The following DSG1 variants were observed in gnomAD, a reference collection of about 807,000 sequenced individuals.
DSG1 encodes the protein desmoglein-1.
A neutral mutation model predicts 97.5 loss-of-function variants in DSG1; 39 were observed. The ratio of observed to expected loss-of-function variants is 0.40; its 90% CI spans 0.31 to 0.52. The LOEUF (loss-of-function observed/expected upper bound fraction) is 0.52. Among genes scored for constraint, DSG1 ranks in the 20% least tolerant of loss-of-function variants. The pLI is 0.53. For synonymous variants in DSG1, 475 were observed against 443.4 expected (o/e 1.07, Z -0.90); for missense variants, 1,311 against 1,295.4 (o/e 1.01, Z -0.18).
chr18:31,334,248 C>A, intron 8 of DSG1, 46 bp downstream of exon 8: 1 of 1,346,652 alleles, frequency 7.4e-7, no homozygotes, highest in Non-Finnish European at 1.1e-6. Flanking sequence ...AATCTTTTTT[C>A]AAAATGTTAA....
chr18:31,347,548 A>T (rs1015936994), intron 14 of DSG1: 2 of 152,158 alleles, frequency 1.3e-5, no homozygotes, highest in Non-Finnish European at 1.5e-5. Context: ...AGGCTCAATC[A>T]TTTTTTTATA....
At chr18:31,337,144 A>G (rs1055139943) in intron 9 of DSG1, among the ~76,000 whole-genome samples, 1 of 152,240 alleles carries the variant, frequency 6.6e-6, no homozygotes, top group South Asian at 2.1e-4. Context: ...TCACAAAAAA[A>G]TCTGTGCGTG....
Position 31,354,453 on chromosome 18 carries a change from C to T in DSG1, c.2257C>T (p.Pro753Ser), listed in dbSNP as rs1434804822. 3 of 1,614,100 alleles carry T rather than the reference C, an allele frequency of 1.9e-6. No individual in the cohort carries two copies. The highest frequency in any genetic ancestry group is 2.2e-5 in the South Asian group (2 of 91,076). Residue 753 changes from proline to serine, a missense_variant, in exon 15 of 15, where the codon CCT becomes TCT. By Grantham distance (74) the Pro-to-Ser change is moderately conservative. This residue lies in a region of DSG1 where 1,038 missense variants were observed against 964.6 expected (regional missense o/e 1.08). Coordinates refer to ENST00000257192, the MANE Select transcript of DSG1 (RefSeq NM_001942.4). ...LDDSFLDTLG[P>S]KFKKLADISL... is the part of the protein sequence containing the mutation. ...TGACAGCTTCTTGGATACCCTGGGA[C>T]CTAAATTTAAGAAGTTGGCAGACAT...
At chr18:31,347,134 C>T (rs929002487) in intron 14 of DSG1, among the ~76,000 whole-genome samples, 2 of 152,110 alleles carry the variant, frequency 1.3e-5, no homozygotes, top group Admixed American at 1.3e-4. Flanking sequence ...CATTAACTAA[C>T]CTAGTGGTTG....
rs1360814029 is a variant in DSG1 at position 31,326,867 on chromosome 18, A to C, written c.85-7A>C. On this transcript the variant is annotated splice_region_variant and splice_polypyrimidine_tract_variant and intron_variant, in intron 2 of 14. Coordinates refer to ENST00000257192, the MANE Select transcript of DSG1 (RefSeq NM_001942.4). ...TATATACCATTTCTTTATTGCTGTC[A>C]TTTAAGGTAAGAGATTATAACACTA... The C allele has an allele frequency of 3.7e-6, 6 of 1,613,312 alleles. No homozygotes were observed. Among genetic ancestry groups the C allele is most frequent in the Middle Eastern group, 1.6e-4 (1 of 6,080 alleles).
rs1568050153 is a variant in DSG1, at chr18:31,354,284, C to T, written c.2101-13C>T. On this transcript the variant is annotated splice_polypyrimidine_tract_variant and intron_variant, in intron 14 of 14. Coordinates refer to ENST00000257192, the MANE Select transcript of DSG1 (RefSeq NM_001942.4). ...ATTCATAATTTCATTTTCTCTTTCT[C>T]CTATAAATTCAGAAAGCATATGCTT... The T allele has an allele frequency of 2.1e-5, 33 of 1,609,684 alleles. No individual in the cohort carries two copies. The highest frequency in any genetic ancestry group is 2.6e-5 in the Non-Finnish European group (31 of 1,176,036).
intron 10 of DSG1, among the ~76,000 whole-genome samples, chr18:31,338,690 C>A (rs1171528437): frequency 1.3e-5 from 2 of 152,088 alleles, no homozygotes; most frequent in Admixed American, 1.3e-4. Context: ...GCTATAGAAT[C>A]TTAGAGAAGT....
chr18:31,340,327 C>A (rs1025968187), intron 11 of DSG1, among the ~76,000 whole-genome samples: 1 of 151,436 alleles, frequency 6.6e-6, no homozygotes, highest in Admixed American at 6.6e-5. Context: ...CTACAGAGGG[C>A]GGGGTGTGGT....
intron 1 of DSG1, among the ~76,000 whole-genome samples, chr18:31,319,351 T>C (rs1261710264): frequency 6.6e-6 from 1 of 152,080 alleles, no homozygotes; most frequent in Non-Finnish European, 1.5e-5. Flanking sequence ...GAATGTTGGG[T>C]TGGTTGGTAT....
chr18:31,335,248 G>C (rs2071744668), intron 8 of DSG1, among the ~76,000 whole-genome samples: 1 of 152,146 alleles, frequency 6.6e-6, no homozygotes, highest in Non-Finnish European at 1.5e-5. Context: ...AGAGAGCACA[G>C]AACCTGCATA....
Position 31,339,864 on chromosome 18 carries a change from G to A in DSG1, c.1526G>A (p.Ser509Asn), listed in dbSNP as rs756831497. 1.5e-5 allele frequency: 24 copies of A among 1,613,936 alleles called. No homozygotes were observed. In the Admixed American group the frequency reaches 3.7e-4, roughly 25 times the overall value. The change falls in exon 11 of 15, where the codon AGT becomes AAT. Residue 509 changes from serine (S) to asparagine (N), a missense_variant. By Grantham distance (46) the Ser-to-Asn change is conservative. Coordinates refer to ENST00000257192, the MANE Select transcript of DSG1 (RefSeq NM_001942.4). Reference sequence around the variant, plus strand: ...ACTACCAATACTGGCAGACAAGAAAGTACTTCTTCCACTAACTATGATACC... The same window carrying A: ...ACTACCAATACTGGCAGACAAGAAAATACTTCTTCCACTAACTATGATACC... ...KITTNTGRQE[S>N]TSSTNYDTST...
intron 14 of DSG1, among the ~76,000 whole-genome samples, chr18:31,349,185 G>A (rs1280260799): frequency 2.9e-5 from 4 of 137,724 alleles, no homozygotes; most frequent in African/African-American, 1.1e-4. Flanking sequence ...TCTACATATG[G>A]CTAGCCAGTT....
chr18:31,344,429 A>G (rs1432332503), intron 13 of DSG1, among the ~76,000 whole-genome samples: 1 of 152,238 alleles, frequency 6.6e-6, no homozygotes, highest in Admixed American at 6.5e-5. Flanking sequence ...AAATCTTTAT[A>G]CACAATTAAT....
At position 31,339,979 on chromosome 18, in the gene DSG1, T is replaced by C; in HGVS notation, c.1641T>C (p.Gly547=). ...TGTTATCAGACAATGTACATTTTGG[T>C]CCTGCTGGCATTGGACTCCTCATCA... The part of the protein sequence containing the change: ...KDLLSDNVHF[G]PAGIGLLIMG... Residue 547 remains glycine (G), a synonymous_variant, in exon 11 of 15, where the codon GGT becomes GGC. Coordinates refer to ENST00000257192, the MANE Select transcript of DSG1 (RefSeq NM_001942.4). 1 of 1,614,094 alleles carries C rather than the reference T, an allele frequency of 6.2e-7. No homozygotes were observed. The highest frequency in any genetic ancestry group is 1.1e-5 in the South Asian group (1 of 91,080).
Position 31,336,495 on chromosome 18 carries a change from C to A in DSG1, c.1147C>A (p.Pro383Thr). 1 of 1,613,898 alleles carries A rather than the reference C, an allele frequency of 6.2e-7. No homozygotes were observed. ...SVTVLNVIEG[P>T]VFRPGSKTYV... ...GACTGTGTTAAATGTAATTGAAGGC[C>A]CAGTGTTTCGTCCAGGTTCAAAGAC... The change falls in exon 9 of 15, where the codon CCA becomes ACA. Residue 383 changes from proline to threonine, a missense_variant. Pro to Thr is a conservative substitution (Grantham distance 38). Coordinates refer to ENST00000257192, the MANE Select transcript of DSG1 (RefSeq NM_001942.4).
chr18:31,328,454 T>A (rs2071700300), intron 4 of DSG1, 110 bp downstream of exon 4: 2 of 1,189,412 alleles, frequency 1.7e-6, no homozygotes, highest in East Asian at 4.8e-5. Context: ...TTTGGCATTT[T>A]TGGTTGTTTC....
chr18:31,332,081 T>C (rs1046780179), intron 6 of DSG1, among the ~76,000 whole-genome samples: 1 of 152,084 alleles, frequency 6.6e-6, no homozygotes, highest in Non-Finnish European at 1.5e-5. Flanking sequence ...AATTAATTGA[T>C]TAAAATTTAC....
chr18:31,329,877 T>C lies in DSG1; in HGVS notation c.373-15T>C. The C allele has an allele frequency of 6.2e-7, 1 of 1,612,458 alleles. No individual in the cohort carries two copies. Among genetic ancestry groups the C allele is most frequent in the Non-Finnish European group, 8.5e-7 (1 of 1,178,796 alleles). Reference sequence around the variant, plus strand: ...CTGTGTTTCACTGTATAATTATTTATCTTTTCTCTCCCAGATCTACTGCCG... The same window carrying C: ...CTGTGTTTCACTGTATAATTATTTACCTTTTCTCTCCCAGATCTACTGCCG... On this transcript the variant is annotated splice_polypyrimidine_tract_variant and intron_variant, in intron 4 of 14. Coordinates refer to ENST00000257192, the MANE Select transcript of DSG1 (RefSeq NM_001942.4).
chr18:31,323,456 G>A (rs1241343452), intron 1 of DSG1, among the ~76,000 whole-genome samples: 1 of 152,052 alleles, frequency 6.6e-6, no homozygotes, highest in Non-Finnish European at 1.5e-5. Context: ...CTAATTGATC[G>A]ATTTTAATCT....
Sources: gnomAD v4.1 joint callset for allele counts (sites outside exome capture counted in the v4.1 genomes callset) on GRCh38, gnomAD v4.1.1 for gene constraint, gnomAD v4.1.1 regional missense constraint, MANE v1.5 for transcripts, NCBI Gene and HGNC (gene_info 2026-07-23, HGNC 2026-07-21) for gene names.